The following PCDHGA7 variants were observed in gnomAD, a reference collection of about 807,000 sequenced individuals.
PCDHGA7 encodes the protein protocadherin gamma subfamily A, 7.
Under a neutral mutation model 58.3 loss-of-function variants are expected in PCDHGA7, and 44 were observed. That is an observed-to-expected ratio of 0.75 (90% CI 0.59 to 0.97). The LOEUF (loss-of-function observed/expected upper bound fraction) is 0.97. Ranked by LOEUF, PCDHGA7 falls within the 50% of genes least tolerant of loss-of-function variation. The probability of loss-of-function intolerance (pLI) is 0.00; values close to 1 mark genes in which losing one functional copy is unlikely to be tolerated. For synonymous variants in PCDHGA7, 516 were observed against 504.2 expected (o/e 1.02, Z -0.31); for missense variants, 1,266 against 1,188.7 (o/e 1.06, Z -0.96).
intron 2 of PCDHGA7, 62 bp downstream of exon 2, chr5:141,494,927 G>C: frequency 6.2e-7 from 1 of 1,613,516 alleles, no homozygotes; most frequent in Non-Finnish European, 8.5e-7. Context: ...GATGACGTGG[G>C]AGGAGATGGG....
Position 141,383,335 on chromosome 5 carries a change from A to G in PCDHGA7, c.436A>G (p.Thr146Ala), listed in dbSNP as rs768493481. ...EEINVKIMEN[T>A]APGVRFPLSE... ...AATAAATGTAAAAATAATGGAGAAT[A>G]CAGCTCCTGGGGTTCGGTTTCCGTT... Residue 146 changes from threonine to alanine, a missense_variant, in exon 1 of 4, where the codon ACA becomes GCA. Coordinates refer to ENST00000518325, the MANE Select transcript of PCDHGA7 (RefSeq NM_018920.4). The G allele has an allele frequency of 3.1e-6, 5 of 1,613,892 alleles. No homozygotes were observed. Among genetic ancestry groups the G allele is most frequent in the Non-Finnish European group, 4.2e-6 (5 of 1,179,896 alleles).
At chr5:141,419,556 C>A (rs202164819) in intron 1 of PCDHGA7, 227 of 1,611,892 alleles carry the variant, frequency 1.4e-4, no homozygotes, top group Non-Finnish European at 8.6e-5. Context: ...CTGTACCCTG[C>A]GCTGGGTCCC....
At chr5:141,455,740 G>C (rs2098830344) in intron 1 of PCDHGA7, among the ~76,000 whole-genome samples, 1 of 152,136 alleles carries the variant, frequency 6.6e-6, no homozygotes, top group Non-Finnish European at 1.5e-5. Context: ...GCATATCAAA[G>C]GTTGCTGGCC....
At chr5:141,495,910 A>C (rs2154591812) in intron 2 of PCDHGA7, among the ~76,000 whole-genome samples, 1 of 151,278 alleles carries the variant, frequency 6.6e-6, no homozygotes, top group East Asian at 1.9e-4. Flanking sequence ...GTCTCTGTAT[A>C]TCTTTCTTTG....
chr5:141,476,716 C>T lies in PCDHGA7; in HGVS notation c.2425-18091C>T. On this transcript the variant is annotated intron_variant, in intron 1 of 3. Transcript: ENST00000518325. This position sits in a 1 kb window ranked among gnomAD's most constrained non-coding sequence, Gnocchi z 7.6. ...AGTACGCGGAGCTGGTGTTGGAGCG[C>T]GCCCTGGACCGAGAACGGGAGCCTA... 15 of 1,614,148 alleles carry T rather than the reference C, an allele frequency of 9.3e-6. No homozygotes were observed. The highest frequency in any genetic ancestry group is 1.3e-5 in the Non-Finnish European group (15 of 1,180,036).
chr5:141,512,897 C>T lies in PCDHGA7; in HGVS notation c.*1724C>T, dbSNP rs1482341871. ...CTCCCACCCCACCCTCTTCCTGTGT[C>T]TCACGCAAGTTTTATACTCTAATAT... On this transcript the variant is annotated 3_prime_UTR_variant, in exon 4 of 4. Coordinates refer to ENST00000518325, the MANE Select transcript of PCDHGA7 (RefSeq NM_018920.4). 1.3e-5 allele frequency: 2 copies of T among 152,274 alleles called. No homozygotes were observed. The highest frequency in any genetic ancestry group is 4.8e-5 in the African/African-American group (2 of 41,470). The allele number at this position is 152,274 out of a possible 1,614,324, so 9.4% of individuals were successfully genotyped here. A position where few individuals can be genotyped will look rare whatever the true frequency, so the allele number is the denominator to read the frequency against.
chr5:141,412,131 G>A (rs2095537626), intron 1 of PCDHGA7: 1 of 152,156 alleles, frequency 6.6e-6, no homozygotes, highest in Non-Finnish European at 1.5e-5. Flanking sequence ...CTGGACTTTG[G>A]CCTCTGATAC....
intron 1 of PCDHGA7, chr5:141,433,153 A>G (rs896611410): frequency 3.1e-6 from 5 of 1,613,482 alleles, no homozygotes; most frequent in African/African-American, 2.7e-5. Flanking sequence ...GTGATTCGGT[A>G]TTTTCTAAAG....
In PCDHGA7 at chr5:141,431,450, A is replaced by G; in HGVS notation, c.2424+46127A>G. 2 of 1,613,740 alleles carry G rather than the reference A, an allele frequency of 1.2e-6. No individual in the cohort carries two copies. Among genetic ancestry groups the G allele is most frequent in the South Asian group, 1.1e-5 (1 of 91,082 alleles). Reference sequence around the variant, plus strand: ...CACAGGCACCGCGCGCATCCGCGTGATGGTTCTGGATGCGAACGACAACGC... The same window carrying G: ...CACAGGCACCGCGCGCATCCGCGTGGTGGTTCTGGATGCGAACGACAACGC... On this transcript the variant is annotated intron_variant, in intron 1 of 3. Coordinates refer to ENST00000518325, the MANE Select transcript of PCDHGA7 (RefSeq NM_018920.4). The surrounding 1 kb of genome is among the most constrained non-coding windows in gnomAD (Gnocchi z 4.8).
intron 1 of PCDHGA7, chr5:141,419,684 G>A (rs1286646418): frequency 5.4e-5 from 87 of 1,612,770 alleles, no homozygotes; most frequent in Non-Finnish European, 7.3e-5. Flanking sequence ...CTACCACGTG[G>A]TGCAGGCCAG....
rs369323252 is a variant in PCDHGA7 at position 141,487,658 on chromosome 5, G to T, written c.2425-7149G>T. ...TCAACAAATGCTTGAGGGTTATTCT[G>T]ATCCAGGCATATGGCTAGGCCATGT... On this transcript the variant is annotated intron_variant, in intron 1 of 3. Coordinates refer to ENST00000518325, the MANE Select transcript of PCDHGA7 (RefSeq NM_018920.4). This position sits in a 1 kb window ranked among gnomAD's most constrained non-coding sequence, Gnocchi z 5.0. The T allele has an allele frequency of 8.7e-5, 140 of 1,613,508 alleles. No individual in the cohort carries two copies. The highest frequency in any genetic ancestry group is 1.1e-4 in the Non-Finnish European group (134 of 1,179,802).
At chr5:141,413,189 G>C in intron 1 of PCDHGA7, 7 of 1,606,972 alleles carry the variant, frequency 4.4e-6, no homozygotes, top group Non-Finnish European at 6.0e-6. Context: ...GCCGCTCAAA[G>C]GAATCGCTCA....
chr5:141,385,657 C>T, intron 1 of PCDHGA7: 1 of 611,856 alleles, frequency 1.6e-6, no homozygotes, highest in Admixed American at 4.9e-5. Context: ...ACAAGGTTAG[C>T]AGGAATAAAA....
intron 1 of PCDHGA7, chr5:141,399,539 G>A (rs1324095299): frequency 1.2e-6 from 2 of 1,614,050 alleles, no homozygotes; most frequent in Non-Finnish European, 1.7e-6. Flanking sequence ...GCGCAAGTCT[G>A]CGCCTCGGAC....
chr5:141,465,546 T>C (rs572856697), intron 1 of PCDHGA7, among the ~76,000 whole-genome samples: 1 of 152,338 alleles, frequency 6.6e-6, no homozygotes, highest in South Asian at 2.1e-4. Context: ...GCATTTTTTC[T>C]GCTGAAGCTT....
At chr5:141,409,235 C>A (rs1471024804) in intron 1 of PCDHGA7, 1 of 1,613,832 alleles carries the variant, frequency 6.2e-7, no homozygotes, top group East Asian at 2.2e-5. Context: ...CGACAACAGC[C>A]CAGAAATAAT....
chr5:141,465,413 G>A (rs996581829), intron 1 of PCDHGA7, among the ~76,000 whole-genome samples: 1 of 152,174 alleles, frequency 6.6e-6, no homozygotes, highest in Non-Finnish European at 1.5e-5. Context: ...AGCCAAATCA[G>A]CACTGAAAGG....
At chr5:141,498,973 GA>G (rs1161965842) in intron 2 of PCDHGA7, among the ~76,000 whole-genome samples, 8 of 11,660 alleles carry the variant, frequency 6.9e-4, no homozygotes, top group Admixed American at 4.8e-3. Flanking sequence ...GGGAGGGAGG[GA>G]AGGAAGGAAG....
At chr5:141,461,242 T>G (rs1246270739) in intron 1 of PCDHGA7, among the ~76,000 whole-genome samples, 1 of 152,170 alleles carries the variant, frequency 6.6e-6, no homozygotes, top group Non-Finnish European at 1.5e-5. Context: ...TGTACTAATT[T>G]ATATTCCCAG....
Sources: gnomAD v4.1 joint callset for allele counts (sites outside exome capture counted in the v4.1 genomes callset) on GRCh38, gnomAD v4.1.1 for gene constraint, Gnocchi (gnomAD v3.1) non-coding constraint, MANE v1.5 for transcripts, NCBI Gene and HGNC (gene_info 2026-07-23, HGNC 2026-07-21) for gene names.